The following SAMTOR variants were observed in gnomAD, a reference collection of about 807,000 sequenced individuals.
The protein encoded by SAMTOR is S-adenosylmethionine sensor upstream of mTORC1, also known as UPF0532 protein C7orf60.
At chr7:112,830,227 T>G in the SAMTOR span, among the ~76,000 whole-genome samples, 1 of 152,174 alleles carries the variant, frequency 6.6e-6, no homozygotes, top group Non-Finnish European at 1.5e-5. Flanking sequence ...TCTCAGAGAT[T>G]ACTGTCCTTC....
the SAMTOR span, among the ~76,000 whole-genome samples, chr7:112,858,204 A>G: frequency 6.6e-6 from 1 of 152,086 alleles, no homozygotes; most frequent in African/African-American, 2.4e-5. Flanking sequence ...TTAAATCAAA[A>G]TGAAAATATT....
At chr7:112,854,477 A>C in the SAMTOR span, among the ~76,000 whole-genome samples, 1 of 152,196 alleles carries the variant, frequency 6.6e-6, no homozygotes, top group African/African-American at 2.4e-5. Flanking sequence ...CAAGAAAAGA[A>C]GGGAACCAGA....
chr7:112,825,157 GACCACAGGCGAGTGCC>G, the SAMTOR span, among the ~76,000 whole-genome samples: 4 of 151,970 alleles, frequency 2.6e-5, no homozygotes, highest in East Asian at 7.7e-4. Flanking sequence ...GAGTAGCTGG[GACCACAGGCGAGTGCC>G]ACCACATCTG....
chr7:112,858,123 A>C, the SAMTOR span, among the ~76,000 whole-genome samples: 1 of 152,094 alleles, frequency 6.6e-6, no homozygotes, highest in Non-Finnish European at 1.5e-5. Context: ...TGAATGGCTT[A>C]CTCCTTGGAT....
At chr7:112,860,681 T>C in the SAMTOR span, among the ~76,000 whole-genome samples, 1 of 151,880 alleles carries the variant, frequency 6.6e-6, no homozygotes, top group African/African-American at 2.4e-5. Context: ...GGCGGGTGGA[T>C]CACGAGGTCA....
the SAMTOR span, among the ~76,000 whole-genome samples, chr7:112,851,253 C>T: frequency 6.6e-6 from 1 of 152,018 alleles, no homozygotes; most frequent in Admixed American, 6.6e-5. Context: ...CAATCCTAAG[C>T]AAAAAGAACC....
At chr7:112,823,428 G>A in the SAMTOR span, among the ~76,000 whole-genome samples, 3 of 152,124 alleles carry the variant, frequency 2.0e-5, no homozygotes, top group African/African-American at 7.2e-5. Context: ...GGCAACCATT[G>A]AAGTTTGTAT....
chr7:112,906,059 CCATA>C, the SAMTOR span, among the ~76,000 whole-genome samples: 1 of 152,020 alleles, frequency 6.6e-6, no homozygotes, highest in African/African-American at 2.4e-5. Context: ...TGAAAATCAT[CCATA>C]TATATATGTA....
chr7:112,862,608 T>C, the SAMTOR span, among the ~76,000 whole-genome samples: 1 of 152,154 alleles, frequency 6.6e-6, no homozygotes, highest in African/African-American at 2.4e-5. Flanking sequence ...GGGCCAGTTA[T>C]TAAGTGAAGA....
At chr7:112,838,987 A>G in the SAMTOR span, among the ~76,000 whole-genome samples, 1 of 151,886 alleles carries the variant, frequency 6.6e-6, no homozygotes, top group African/African-American at 2.4e-5. Flanking sequence ...ACAGTAACAA[A>G]AAGCATATCT....
chr7:112,906,821 C>T, the SAMTOR span, among the ~76,000 whole-genome samples: 1 of 152,110 alleles, frequency 6.6e-6, no homozygotes, highest in Non-Finnish European at 1.5e-5. Flanking sequence ...CTGCCCACCT[C>T]GGCCTCCCAA....
the SAMTOR span, among the ~76,000 whole-genome samples, chr7:112,830,238 A>C: frequency 6.6e-6 from 1 of 152,068 alleles, no homozygotes; most frequent in African/African-American, 2.4e-5. Context: ...ACTGTCCTTC[A>C]TTACCTGATG....
chr7:112,866,541 G>A, the SAMTOR span, among the ~76,000 whole-genome samples: 1 of 152,220 alleles, frequency 6.6e-6, no homozygotes, highest in Non-Finnish European at 1.5e-5. Flanking sequence ...GCCAGGGAAG[G>A]AAGGGCGTGA....
chr7:112,901,273 C>A, the SAMTOR span, among the ~76,000 whole-genome samples: 1 of 152,166 alleles, frequency 6.6e-6, no homozygotes, highest in African/African-American at 2.4e-5. Flanking sequence ...CGCATTACTG[C>A]CTAAGCTTTG....
the SAMTOR span, among the ~76,000 whole-genome samples, chr7:112,921,549 T>C: frequency 1.3e-5 from 2 of 148,630 alleles, no homozygotes; most frequent in South Asian, 4.3e-4. Context: ...AAGGACTTCA[T>C]GTCTAAAACA....
the SAMTOR span, among the ~76,000 whole-genome samples, chr7:112,920,953 A>T: frequency 1.3e-5 from 2 of 152,226 alleles, no homozygotes; most frequent in Non-Finnish European, 2.9e-5. Flanking sequence ...AAGAGGATAC[A>T]AACAAATGGA....
At chr7:112,913,335 C>T in the SAMTOR span, among the ~76,000 whole-genome samples, 1 of 152,166 alleles carries the variant, frequency 6.6e-6, no homozygotes, top group African/African-American at 2.4e-5. Context: ...CCCATCACCT[C>T]CCTGGCTCCT....
the SAMTOR span, among the ~76,000 whole-genome samples, chr7:112,840,612 G>A: frequency 6.6e-6 from 1 of 151,614 alleles, no homozygotes; most frequent in Admixed American, 6.6e-5. Context: ...ATGTTATCTG[G>A]ATGATAATGT....
At chr7:112,908,304 G>C in the SAMTOR span, among the ~76,000 whole-genome samples, 1 of 152,138 alleles carries the variant, frequency 6.6e-6, no homozygotes, top group Admixed American at 6.6e-5. Flanking sequence ...AATAATTAAA[G>C]AGAATTCCTC....
Sources: gnomAD v4.1 joint callset for allele counts (sites outside exome capture counted in the v4.1 genomes callset) on GRCh38, gnomAD v4.1.1 for gene constraint, MANE v1.5 for transcripts, NCBI Gene and HGNC (gene_info 2026-07-23, HGNC 2026-07-21) for gene names.